Variants in NLGN1 observed in about 807,000 individuals in gnomAD.
The protein encoded by NLGN1 is neuroligin-1.
Under a neutral mutation model 65.5 loss-of-function variants are expected in NLGN1, and 12 were observed. That is an observed-to-expected ratio of 0.18 (90% CI 0.12 to 0.30). The LOEUF is 0.30. Ranked by LOEUF, NLGN1 falls within the 10% of genes least tolerant of loss-of-function variation. The pLI, the probability that NLGN1 is intolerant of heterozygous loss-of-function variation, is 1.00. For missense variants in NLGN1, 750 were observed against 1,007.1 expected (o/e 0.74, Z 3.46); for synonymous variants, 350 against 359.5 (o/e 0.97, Z 0.30).
At chr3:173,603,459 CAGT>C (rs1750885297) in intron 2 of NLGN1, among the ~76,000 whole-genome samples, 1 of 123,790 alleles carries the variant, frequency 8.1e-6, no homozygotes, top group African/African-American at 2.8e-5. Context: ...CTCTAACAGA[CAGT>C]GAGAAAAAAA....
intron 4 of NLGN1, 147 bp from the exon 5 acceptor site, chr3:174,275,168 A>G: frequency 1.6e-6 from 1 of 621,334 alleles, no homozygotes. Flanking sequence ...GCTAAAGTAA[A>G]TTCTTTTGTT....
intron 4 of NLGN1, among the ~76,000 whole-genome samples, chr3:173,846,579 T>C (rs1404355859): frequency 1.3e-5 from 2 of 152,224 alleles, no homozygotes; most frequent in African/African-American, 4.8e-5. Flanking sequence ...ATGGGGAATG[T>C]GATTTCATGA....
At chr3:174,087,051 A>G (rs1050237423) in intron 4 of NLGN1, among the ~76,000 whole-genome samples, 6 of 152,184 alleles carry the variant, frequency 3.9e-5, no homozygotes, top group Non-Finnish European at 5.9e-5. Context: ...ATTCTCACAT[A>G]TAAGTGGGAG....
intron 4 of NLGN1, among the ~76,000 whole-genome samples, chr3:173,826,036 T>TA (rs1413256683): frequency 2.0e-5 from 3 of 152,040 alleles, no homozygotes; most frequent in African/African-American, 4.8e-5. Context: ...TAGTTTTTTT[T>TA]AACAACTAAA....
intron 4 of NLGN1, among the ~76,000 whole-genome samples, chr3:174,198,523 C>G (rs1733865403): frequency 6.6e-6 from 1 of 152,150 alleles, no homozygotes; most frequent in Non-Finnish European, 1.5e-5. Context: ...TACATTTTGC[C>G]TGTACAAATA....
intron 4 of NLGN1, among the ~76,000 whole-genome samples, chr3:174,265,365 C>T (rs1303410401): frequency 6.6e-6 from 1 of 152,126 alleles, no homozygotes; most frequent in East Asian, 1.9e-4. Context: ...GAGCCAGGTG[C>T]GGGATGTAAT....
Position 173,954,023 on chromosome 3 carries a change from A to G in NLGN1, c.646+146191A>G, listed in dbSNP as rs1748715767. On this transcript the variant is annotated intron_variant, in intron 4 of 6. Transcript: ENST00000457714. ...ATGAACTTGTAACACTTTGACAATA[A>G]ATGAGGTATCTGAGAGACATTTTAC... Among the ~76,000 whole-genome samples the G allele has an allele frequency of 3.3e-5, 5 of 152,286 alleles. 1 individual carries two copies. In the South Asian group the frequency reaches 1.0e-3, roughly 32 times the overall value.
In NLGN1 at chr3:173,927,724, AACAC is replaced by A. The variant is rs145960368; in HGVS notation, c.646+119905_646+119908del. Among the ~76,000 whole-genome samples, 12 of 151,398 alleles carry A rather than the reference AACAC, an allele frequency of 7.9e-5. 1 individual carries two copies. In the South Asian group the frequency reaches 2.3e-3, roughly 29 times the overall value. On this transcript the variant is annotated intron_variant, in intron 4 of 6. Transcript: ENST00000457714. ...CCCACTCTCAACTGCCGCTCCAGAA[AACAC>A]ACACACACACACGTACACACAGATA... is the stretch of plus-strand genomic sequence containing the variant.
chr3:174,061,886 C>G (rs948762527), intron 4 of NLGN1, among the ~76,000 whole-genome samples: 4 of 152,102 alleles, frequency 2.6e-5, no homozygotes, highest in African/African-American at 2.4e-5. Context: ...TTGCATGTCT[C>G]ACAAGCTTAC....
At chr3:173,963,837 G>A (rs1714176906) in intron 4 of NLGN1, among the ~76,000 whole-genome samples, 1 of 152,124 alleles carries the variant, frequency 6.6e-6, no homozygotes, top group South Asian at 2.1e-4. Flanking sequence ...GGCAGACTTG[G>A]AATTCAGTTT....
At chr3:173,866,357 G>C (rs1560522014) in intron 4 of NLGN1, among the ~76,000 whole-genome samples, 2 of 151,918 alleles carry the variant, frequency 1.3e-5, no homozygotes, top group Non-Finnish European at 2.9e-5. Context: ...CATCTCAAAA[G>C]AAACAAACAA....
chr3:173,937,219 A>G (rs1279360283), intron 4 of NLGN1, among the ~76,000 whole-genome samples: 2 of 152,096 alleles, frequency 1.3e-5, no homozygotes, highest in Non-Finnish European at 1.5e-5. Flanking sequence ...TTATGCGTAC[A>G]TAAACTTCAG....
chr3:174,068,310 T>C (rs116293312), intron 4 of NLGN1, among the ~76,000 whole-genome samples: 5,413 of 152,184 alleles, frequency 0.036, 133 homozygotes, highest in Non-Finnish European at 0.054. Flanking sequence ...CCCACTCCCT[T>C]CCAGCCTGCA....
intron 2 of NLGN1, among the ~76,000 whole-genome samples, chr3:173,573,791 C>T (rs1745033625): frequency 6.6e-6 from 1 of 151,326 alleles, no homozygotes; most frequent in South Asian, 2.1e-4. Flanking sequence ...AGGCCGGGCG[C>T]GGTGGCTCAC....
intron 2 of NLGN1, among the ~76,000 whole-genome samples, chr3:173,539,595 A>G (rs1430708078): frequency 7.6e-6 from 1 of 131,792 alleles, no homozygotes; most frequent in Non-Finnish European, 1.6e-5. Context: ...TATATGTTAT[A>G]TAATATATGT....
At chr3:173,620,794 C>T (rs374326231) in intron 3 of NLGN1, among the ~76,000 whole-genome samples, 1 of 151,896 alleles carries the variant, frequency 6.6e-6, no homozygotes, top group Non-Finnish European at 1.5e-5. Context: ...AGCTTACCCA[C>T]GGTTGGGGTA....
At chr3:173,551,159 G>T (rs761926936) in intron 2 of NLGN1, among the ~76,000 whole-genome samples, 71 of 152,156 alleles carry the variant, frequency 4.7e-4, no homozygotes, top group Admixed American at 2.1e-3. Flanking sequence ...TGGAAATAAG[G>T]TGAGGTGATT....
intron 4 of NLGN1, among the ~76,000 whole-genome samples, chr3:174,028,945 G>C (rs577522004): frequency 5.5e-4 from 83 of 152,262 alleles, no homozygotes; most frequent in Non-Finnish European, 3.1e-4. Context: ...ATGGCTAAAA[G>C]GGGCCAACAT....
chr3:173,745,823 G>T (rs1560283722), intron 3 of NLGN1, among the ~76,000 whole-genome samples: 1 of 152,084 alleles, frequency 6.6e-6, no homozygotes, highest in Non-Finnish European at 1.5e-5. Flanking sequence ...TTTGACAAAG[G>T]ATAATTTGAA....
Sources: allele counts gnomAD v4.1 joint callset (sites outside exome capture counted in the v4.1 genomes callset), GRCh38; gene constraint gnomAD v4.1.1; transcripts MANE v1.5; gene names NCBI Gene and HGNC (gene_info 2026-07-23, HGNC 2026-07-21).